Variants in SERPINB7 observed in about 807,000 individuals in gnomAD.
The protein encoded by SERPINB7 is serpin family B member 7, also known as serpin B7.
In SERPINB7, 31 loss-of-function variants were observed where a neutral mutation model predicts 37.4. That is an observed-to-expected ratio of 0.83 (90% CI 0.62 to 1.12). The LOEUF is 1.12. Among genes scored for constraint, SERPINB7 ranks in the 50% most tolerant of loss-of-function variants. The probability of loss-of-function intolerance (pLI) is 0.00; values close to 1 mark genes in which losing one functional copy is unlikely to be tolerated. For synonymous variants in SERPINB7, 163 were observed against 166.1 expected, an observed-to-expected ratio of 0.98 and a Z score of 0.14; for missense variants, 521 against 455.3, an observed-to-expected ratio of 1.14 and a Z score of -1.31.
At chr18:63,800,700 C>T (rs950670015) in intron 6 of SERPINB7, among the ~76,000 whole-genome samples, 166 bp from the exon 7 acceptor site, 5 of 152,182 alleles carry the variant, frequency 3.3e-5, no homozygotes, top group African/African-American at 1.2e-4. Flanking sequence ...GGCTTTACCA[C>T]TAAGATTTGC....
chr18:63,760,693 T>C (rs2049148527), intron 1 of SERPINB7, among the ~76,000 whole-genome samples: 1 of 152,138 alleles, frequency 6.6e-6, no homozygotes, highest in African/African-American at 2.4e-5. Context: ...TCCCAGCTGC[T>C]CCAGCAGTGG....
chr18:63,800,327 G>T (rs994033164), intron 6 of SERPINB7, among the ~76,000 whole-genome samples: 2 of 151,994 alleles, frequency 1.3e-5, no homozygotes, highest in African/African-American at 4.8e-5. Context: ...CTCCCAAAGT[G>T]CTGGGATTAC....
In SERPINB7 at chr18:63,775,496, A is replaced by G. The variant is rs897694897; in HGVS notation, c.-239A>G. The G allele has an allele frequency of 1.3e-5, 2 of 152,186 alleles. No homozygotes were observed. Among genetic ancestry groups the G allele is most frequent in the African/African-American group, 4.8e-5 (2 of 41,456 alleles). The allele number at this position is 152,186 out of a possible 1,614,324, so 9.4% of individuals were successfully genotyped here. Reference sequence around the variant, plus strand: ...AAAACTGAATTCTCAGAATTTTAGAACAAATTTTTGTCTAGAAATGCTGAC... The same window carrying G: ...AAAACTGAATTCTCAGAATTTTAGAGCAAATTTTTGTCTAGAAATGCTGAC... On this transcript the variant is annotated 5_prime_UTR_variant, in exon 1 of 8. Coordinates refer to ENST00000398019, the MANE Select transcript of SERPINB7 (RefSeq NM_003784.4).
At chr18:63,761,092 C>G (rs2049151125) in intron 1 of SERPINB7, among the ~76,000 whole-genome samples, 1 of 152,200 alleles carries the variant, frequency 6.6e-6, no homozygotes, top group African/African-American at 2.4e-5. Context: ...CAACACCAGG[C>G]CATGAAAGCA....
At chr18:63,798,358 C>T (rs1188744523) in intron 5 of SERPINB7, among the ~76,000 whole-genome samples, 1 of 152,042 alleles carries the variant, frequency 6.6e-6, no homozygotes, top group Non-Finnish European at 1.5e-5. Context: ...CCTTAGCTTC[C>T]TCAACAGGAA....
chr18:63,796,325 G>A lies in SERPINB7; in HGVS notation c.396G>A (p.Thr132=), dbSNP rs866524983. 72 of 1,613,038 alleles carry A rather than the reference G, an allele frequency of 4.5e-5. No individual in the cohort carries two copies. Among genetic ancestry groups the A allele is most frequent in the Non-Finnish European group, 5.7e-5 (67 of 1,179,342 alleles). Reference sequence around the variant, plus strand: ...CCAAAGTGGAGCGAGTTGACTTTACGAATCATTTAGAAGACACTAGACGTA... The same window carrying A: ...CCAAAGTGGAGCGAGTTGACTTTACAAATCATTTAGAAGACACTAGACGTA... The part of the protein sequence containing the change: ...YDAKVERVDF[T]NHLEDTRRNI... Residue 132 remains threonine (T), a synonymous_variant, in exon 5 of 8, where the codon ACG becomes ACA. Coordinates refer to ENST00000398019, the MANE Select transcript of SERPINB7 (RefSeq NM_003784.4).
At position 63,786,844 on chromosome 18, in the gene SERPINB7, G is replaced by T. The variant is rs144803862; in HGVS notation, c.168+4304G>T. Among the ~76,000 whole-genome samples, 893 of 152,270 alleles carry T rather than the reference G, an allele frequency of 5.9e-3. 23 individuals carry two copies. The highest frequency in any genetic ancestry group is 0.051 in the Admixed American group (773 of 15,290). ...AAGAAAAGTAAGAAGAGGAAGAATT[G>T]TGATAAACAAGCCCTTTGAAGTTTT... On this transcript the variant is annotated intron_variant, in intron 2 of 7. Coordinates refer to ENST00000398019, the MANE Select transcript of SERPINB7 (RefSeq NM_003784.4).
At chr18:63,784,677 A>G (rs376811526) in intron 2 of SERPINB7, among the ~76,000 whole-genome samples, 13 of 152,302 alleles carry the variant, frequency 8.5e-5, no homozygotes, top group Admixed American at 4.6e-4. Flanking sequence ...ACCTTGGGAA[A>G]ATCATGTCAT....
intron 1 of SERPINB7, among the ~76,000 whole-genome samples, chr18:63,758,065 GTCTC>G (rs1202686769): frequency 2.0e-5 from 3 of 151,994 alleles, no homozygotes; most frequent in South Asian, 2.1e-4. Context: ...ATCTCTCTGT[GTCTC>G]TCTCTCTATC....
At chr18:63,798,866 A>C (rs2049517867) in intron 6 of SERPINB7, 120 bp downstream of exon 6, 1 of 1,028,654 alleles carries the variant, frequency 9.7e-7, no homozygotes, top group East Asian at 2.6e-5. Flanking sequence ...CTTCTTTTGC[A>C]TTACCAATAT....
chr18:63,761,819 TG>T (rs2049155818), intron 1 of SERPINB7, among the ~76,000 whole-genome samples: 1 of 152,230 alleles, frequency 6.6e-6, no homozygotes, highest in East Asian at 1.9e-4. Context: ...TATGTGGAAC[TG>T]TAAGTTCAAT....
intron 1 of SERPINB7, among the ~76,000 whole-genome samples, chr18:63,766,485 A>C: frequency 6.6e-6 from 1 of 152,166 alleles, no homozygotes; most frequent in African/African-American, 2.4e-5. Flanking sequence ...TTGTTCGACA[A>C]ATAAAACTTA....
chr18:63,803,614 C>T (rs556000728), intron 7 of SERPINB7, among the ~76,000 whole-genome samples: 3 of 152,306 alleles, frequency 2.0e-5, no homozygotes, highest in Middle Eastern at 6.8e-3. Flanking sequence ...AGGTTGCTTG[C>T]TTTGCATTCA....
intron 1 of SERPINB7, among the ~76,000 whole-genome samples, chr18:63,757,554 A>G (rs971323731): frequency 3.9e-5 from 6 of 152,228 alleles, no homozygotes; most frequent in Admixed American, 2.6e-4. Context: ...CTGGCTGGAC[A>G]CCTGATTTTA....
rs764549876 is a variant in SERPINB7, at chr18:63,804,988, C to T, written c.*353C>T. 3.1e-4 allele frequency: 64 copies of T among 203,234 alleles called. No homozygotes were observed. Among genetic ancestry groups the T allele is most frequent in the Non-Finnish European group, 5.4e-4 (54 of 100,712 alleles). 12.6% of individuals were successfully genotyped at this position (203,234 alleles called of 1,614,324 possible). The stretch of plus-strand genomic sequence containing the variant: ...CCTAGGGATCCTTTTTGAAACTCTA[C>T]AGTTATCGCAGATATTCTAGCTTCA... On this transcript the variant is annotated 3_prime_UTR_variant, in exon 8 of 8. Coordinates refer to ENST00000398019, the MANE Select transcript of SERPINB7 (RefSeq NM_003784.4).
chr18:63,804,617 C>A lies in SERPINB7; in HGVS notation c.1125C>A (p.Gly375=). ...AGGATGACATCATCTTATTCAGTGGCAAAGTTTCTTGCCCTTGAAAATCCA... is the reference window on the plus strand; with the variant it reads ...AGGATGACATCATCTTATTCAGTGGAAAAGTTTCTTGCCCTTGAAAATCCA... ...IRKDDIILFS[G]KVSCP The change falls in exon 8 of 8, where the codon GGC becomes GGA. Residue 375 remains glycine, a synonymous_variant. Transcript: ENST00000398019. 6.2e-7 allele frequency: 1 copy of A among 1,608,846 alleles called. No homozygotes were observed. Among genetic ancestry groups the A allele is most frequent in the South Asian group, 1.1e-5 (1 of 90,302 alleles).
chr18:63,804,656 A>G lies in SERPINB7; in HGVS notation c.*21A>G, dbSNP rs1001797619. 3 of 1,576,904 alleles carry G rather than the reference A, an allele frequency of 1.9e-6. No homozygotes were observed. The highest frequency in any genetic ancestry group is 2.6e-6 in the Non-Finnish European group (3 of 1,161,772). ...CTTGAAAATCCAATTGGTTTCTGTT[A>G]TAGCAGTCCCCACAACATCAAAGAA... is the stretch of plus-strand genomic sequence containing the variant. On this transcript the variant is annotated 3_prime_UTR_variant, in exon 8 of 8. Coordinates refer to ENST00000398019, the MANE Select transcript of SERPINB7 (RefSeq NM_003784.4).
chr18:63,803,389 A>T (rs995576158), intron 7 of SERPINB7, among the ~76,000 whole-genome samples: 207 of 152,342 alleles, frequency 1.4e-3, no homozygotes, highest in African/African-American at 4.7e-3. Context: ...AATATCAGTA[A>T]AAAGTTGTTT....
rs553911181 is a variant in SERPINB7 at position 63,805,304 on chromosome 18, C to T, written c.*669C>T. ...TGTTGGCAGTTGTTATCTACAGAATCATATCTCATATGCTGTGTAGTTTAT... is the reference window on the plus strand; with the variant it reads ...TGTTGGCAGTTGTTATCTACAGAATTATATCTCATATGCTGTGTAGTTTAT... On this transcript the variant is annotated 3_prime_UTR_variant, in exon 8 of 8. Transcript: ENST00000398019. 6.6e-6 allele frequency: 1 copy of T among 152,318 alleles called. No homozygotes were observed. The highest frequency in any genetic ancestry group is 6.5e-5 in the Admixed American group (1 of 15,290). 9.4% of individuals were successfully genotyped at this position (152,318 alleles called of 1,614,324 possible).
Sources: gnomAD v4.1 joint callset for allele counts (sites outside exome capture counted in the v4.1 genomes callset) on GRCh38, gnomAD v4.1.1 for gene constraint, MANE v1.5 for transcripts, NCBI Gene and HGNC (gene_info 2026-07-23, HGNC 2026-07-21) for gene names.